The following IL1RAPL2 variants were observed in gnomAD, a reference collection of about 807,000 sequenced individuals.
IL1RAPL2 encodes the protein X-linked interleukin-1 receptor accessory protein-like 2.
In IL1RAPL2, 3 loss-of-function variants were observed where a neutral mutation model predicts 44.1. The ratio of observed to expected loss-of-function variants is 0.07; its 90% CI spans 0.03 to 0.18. The LOEUF (loss-of-function observed/expected upper bound fraction) is 0.18. Ranked by LOEUF, IL1RAPL2 falls within the 10% of genes least tolerant of loss-of-function variation. IL1RAPL2 has a pLI of 1.00. For missense variants in IL1RAPL2, 391 were observed against 496.4 expected, an observed-to-expected ratio of 0.79 and a Z score of 2.02; for synonymous variants, 181 against 178.8, an observed-to-expected ratio of 1.01 and a Z score of -0.10.
chrX:104,903,526 A>G (rs778860920), intron 2 of IL1RAPL2, among the ~76,000 whole-genome samples: 7 of 111,506 alleles, frequency 6.3e-5, no homozygotes, highest in Non-Finnish European at 1.3e-4. Context: ...ATGGGTGTCC[A>G]TTGGAGTTTC....
chrX:105,552,001 G>A (rs1378355066), intron 6 of IL1RAPL2, among the ~76,000 whole-genome samples: 3 of 109,417 alleles, frequency 2.7e-5, no homozygotes, highest in African/African-American at 1.0e-4. Flanking sequence ...AGCTACTCGC[G>A]AGGCTGAGGC....
At chrX:105,409,118 C>T (rs2035672979) in intron 5 of IL1RAPL2, among the ~76,000 whole-genome samples, 1 of 110,952 alleles carries the variant, frequency 9.0e-6, no homozygotes, top group East Asian at 2.8e-4. Flanking sequence ...AAGCATATAG[C>T]TTAATATTTC....
intron 2 of IL1RAPL2, among the ~76,000 whole-genome samples, chrX:105,179,453 G>C (rs56329353): frequency 1.8e-5 from 2 of 111,729 alleles, no homozygotes; most frequent in Non-Finnish European, 3.8e-5. Context: ...TTTTTGCTCA[G>C]GATTGCTTTG....
chrX:105,024,495 C>A lies in IL1RAPL2; in HGVS notation c.83-170980C>A, dbSNP rs187185289. Among the ~76,000 whole-genome samples the A allele has an allele frequency of 6.3e-3, 706 of 111,252 alleles. 6 individuals carry two copies. Among genetic ancestry groups the A allele is most frequent in the Non-Finnish European group, 0.011 (576 of 52,763 alleles). ...GGCTCTTACAATGTTTAAAGTAGCC[C>A]AAGAGAGCATAGAAGTTCTGTTCTT... On this transcript the variant is annotated intron_variant, in intron 2 of 10. Coordinates refer to ENST00000372582, the MANE Select transcript of IL1RAPL2 (RefSeq NM_017416.2).
chrX:104,882,626 G>A (rs757833699), intron 2 of IL1RAPL2, among the ~76,000 whole-genome samples: 31 of 111,457 alleles, frequency 2.8e-4, no homozygotes, highest in Non-Finnish European at 5.6e-4. Flanking sequence ...TGTAAAAGTG[G>A]ACCAATCAGC....
intron 5 of IL1RAPL2, among the ~76,000 whole-genome samples, chrX:105,410,961 C>G (rs181367103): frequency 3.8e-4 from 43 of 111,744 alleles, no homozygotes; most frequent in African/African-American, 1.3e-3. Context: ...GCATCAACAG[C>G]TATAATTAGT....
intron 5 of IL1RAPL2, among the ~76,000 whole-genome samples, chrX:105,293,614 G>T (rs1335136572): frequency 8.9e-6 from 1 of 112,000 alleles, no homozygotes; most frequent in African/African-American, 3.2e-5. Flanking sequence ...ATCTTATTAT[G>T]ATTGGTGTTA....
At chrX:104,909,635 G>T (rs908701328) in intron 2 of IL1RAPL2, among the ~76,000 whole-genome samples, 2 of 111,851 alleles carry the variant, frequency 1.8e-5, no homozygotes, top group Admixed American at 9.5e-5. Context: ...CTGTTGGGGG[G>T]TGCCTCCCAG....
At chrX:105,393,736 T>A (rs1335177131) in intron 5 of IL1RAPL2, among the ~76,000 whole-genome samples, 1 of 111,647 alleles carries the variant, frequency 9.0e-6, no homozygotes, top group Non-Finnish European at 1.9e-5. Flanking sequence ...TAAGAGAAAT[T>A]TTCTAAGATT....
intron 2 of IL1RAPL2, among the ~76,000 whole-genome samples, chrX:105,020,673 G>A (rs1354869677): frequency 1.8e-5 from 2 of 111,619 alleles, no homozygotes. Context: ...CACAGTGTCT[G>A]GCACCTAGGC....
chrX:105,686,544 C>A (rs1275048614), intron 6 of IL1RAPL2, among the ~76,000 whole-genome samples: 1 of 110,438 alleles, frequency 9.1e-6, no homozygotes, highest in Non-Finnish European at 1.9e-5. Context: ...ATATATGCAC[C>A]CAATACAGGA....
At chrX:104,848,818 AT>A (rs1365009744) in intron 2 of IL1RAPL2, among the ~76,000 whole-genome samples, 1 of 110,319 alleles carries the variant, frequency 9.1e-6, no homozygotes, top group Non-Finnish European at 1.9e-5. Context: ...GATGTAAATT[AT>A]TTAGTTTTTT....
chrX:105,684,914 G>A (rs2037957309), intron 6 of IL1RAPL2, among the ~76,000 whole-genome samples: 1 of 111,979 alleles, frequency 8.9e-6, no homozygotes, highest in African/African-American at 3.2e-5. Context: ...GGCAAACAGG[G>A]TCTGGAGTGG....
intron 2 of IL1RAPL2, among the ~76,000 whole-genome samples, chrX:104,681,032 G>A (rs1002832008): frequency 8.9e-6 from 1 of 111,741 alleles, no homozygotes; most frequent in Non-Finnish European, 1.9e-5. Flanking sequence ...AGAGCACAGC[G>A]AGTTCTGTCA....
intron 6 of IL1RAPL2, among the ~76,000 whole-genome samples, chrX:105,501,080 C>T (rs1030122538): frequency 9.0e-6 from 1 of 111,715 alleles, no homozygotes; most frequent in Non-Finnish European, 1.9e-5. Flanking sequence ...TATTTCTTTT[C>T]CAGCAATAAG....
rs757134705 is a variant in IL1RAPL2 at position 105,365,055 on chromosome X, T to C, written c.697+97514T>C. On this transcript the variant is annotated intron_variant, in intron 5 of 10. Coordinates refer to ENST00000372582, the MANE Select transcript of IL1RAPL2 (RefSeq NM_017416.2). ...ATAGGCTTGACATATATGGCCTTTA[T>C]TGTGTTGAGGTACATTCCTTCTATA... Among the ~76,000 whole-genome samples, 428 of 111,784 alleles carry C rather than the reference T, an allele frequency of 3.8e-3. 5 individuals carry two copies. The highest frequency in any genetic ancestry group is 0.014 in the African/African-American group (419 of 30,856).
At chrX:105,001,443 G>C (rs753410386) in intron 2 of IL1RAPL2, among the ~76,000 whole-genome samples, 1 of 111,015 alleles carries the variant, frequency 9.0e-6, no homozygotes, top group East Asian at 2.9e-4. Context: ...CATTTACAAA[G>C]GAACTGAGTT....
chrX:104,648,102 T>C (rs1930081963), intron 1 of IL1RAPL2: 3 of 419,946 alleles, frequency 7.1e-6, no homozygotes, highest in South Asian at 6.4e-5. Context: ...TCCATACACA[T>C]ACACACACAT....
intron 5 of IL1RAPL2, among the ~76,000 whole-genome samples, chrX:105,344,544 G>T (rs991103605): frequency 8.9e-6 from 1 of 111,963 alleles, no homozygotes; most frequent in African/African-American, 3.2e-5. Flanking sequence ...GGACTGGACA[G>T]CAATTCAAAA....
Sources: allele counts gnomAD v4.1 joint callset (sites outside exome capture counted in the v4.1 genomes callset), GRCh38; gene constraint gnomAD v4.1.1; transcripts MANE v1.5; gene names NCBI Gene and HGNC (gene_info 2026-07-23, HGNC 2026-07-21).